The following CIB1 variants were observed in gnomAD, a reference collection of about 807,000 sequenced individuals.
The protein encoded by CIB1 is calcium and integrin binding 1, also known as calcium and integrin-binding protein 1.
A neutral mutation model predicts 25.0 loss-of-function variants in CIB1; 19 were observed. The ratio of observed to expected loss-of-function variants is 0.76; its 90% CI spans 0.53 to 1.12. CIB1 has a LOEUF of 1.12. Ranked by LOEUF, CIB1 falls within the 50% of genes most tolerant of loss-of-function variation. The probability of loss-of-function intolerance (pLI) is 0.00; values close to 1 mark genes in which losing one functional copy is unlikely to be tolerated. For synonymous variants in CIB1, 104 were observed against 98.5 expected (o/e 1.06, Z -0.33); for missense variants, 236 against 242.6 (o/e 0.97, Z 0.18).
Position 90,230,424 on chromosome 15 carries a change from C to T in CIB1, c.*60G>A. 6.5e-7 allele frequency: 1 copy of T among 1,544,198 alleles called. No homozygotes were observed. The highest frequency in any genetic ancestry group is 1.2e-5 in the South Asian group (1 of 83,852). On this transcript the variant is annotated 3_prime_UTR_variant, in exon 7 of 7. Coordinates refer to ENST00000328649, the MANE Select transcript of CIB1 (RefSeq NM_006384.4). Reference sequence around the variant, plus strand: ...CTGGCAACACAGGCTTGACCTTGGCCACAGCTCAGCAGTAGAAAGGTTCTT... The same window carrying T: ...CTGGCAACACAGGCTTGACCTTGGCTACAGCTCAGCAGTAGAAAGGTTCTT...
chr15:90,247,038 C>T, the CIB1 span, among the ~76,000 whole-genome samples: 4 of 150,958 alleles, frequency 2.6e-5, no homozygotes, highest in Middle Eastern at 3.2e-3. Flanking sequence ...TGCAGTGGCA[C>T]GATCTTGGCT....
the CIB1 span, chr15:90,250,619 G>C: frequency 1.2e-6 from 2 of 1,610,856 alleles, no homozygotes; most frequent in South Asian, 2.2e-5. Context: ...CAACCCCTCA[G>C]AATCTGAGAG....
At chr15:90,253,226 T>A in the CIB1 span, 4 of 1,601,822 alleles carry the variant, frequency 2.5e-6, no homozygotes, top group South Asian at 1.1e-5. Context: ...ATGCTGGCAC[T>A]ACTGATCTCC....
the CIB1 span, chr15:90,264,897 C>G: frequency 1.3e-6 from 2 of 1,536,102 alleles, no homozygotes; most frequent in Admixed American, 3.9e-5. Context: ...GCCAAGGTTC[C>G]CCTCTGCCCT....
the CIB1 span, chr15:90,257,382 G>A: frequency 1.4e-6 from 2 of 1,477,272 alleles, no homozygotes; most frequent in South Asian, 2.7e-5. Context: ...CAAAGAACAA[G>A]GAATGAAGCC....
chr15:90,236,730 G>A (rs914848263), upstream of CIB1, among the ~76,000 whole-genome samples: 2 of 151,692 alleles, frequency 1.3e-5, no homozygotes, highest in African/African-American at 4.8e-5. Context: ...TAGAGACGGG[G>A]TTTCACCATG....
the CIB1 span, chr15:90,257,682 A>G: frequency 8.7e-6 from 14 of 1,614,048 alleles, no homozygotes; most frequent in Non-Finnish European, 1.0e-5. Context: ...CAACAAACAC[A>G]ATGAGAATTT....
the CIB1 span, chr15:90,261,956 T>C: frequency 7.0e-7 from 1 of 1,432,874 alleles, no homozygotes; most frequent in Non-Finnish European, 9.3e-7. Context: ...CTTTCCCTAC[T>C]GAACATTCCC....
At chr15:90,265,685 C>G in the CIB1 span, 13 of 1,612,396 alleles carry the variant, frequency 8.1e-6, no homozygotes, top group Non-Finnish European at 1.0e-5. Flanking sequence ...GTTTCGTAGC[C>G]GACTGCTGAA....
the CIB1 span, chr15:90,241,601 G>A: frequency 6.2e-7 from 1 of 1,613,788 alleles, no homozygotes; most frequent in South Asian, 1.1e-5. Context: ...TGCCCGTGGA[G>A]CAGGCGCCAA....
the CIB1 span, chr15:90,261,972 C>T: frequency 6.7e-7 from 1 of 1,498,672 alleles, no homozygotes; most frequent in Non-Finnish European, 8.9e-7. Flanking sequence ...TTCCCACAGC[C>T]CTACTCTTGA....
At chr15:90,256,561 C>CTTTCTT in the CIB1 span, among the ~76,000 whole-genome samples, 1 of 40,248 alleles carries the variant, frequency 2.5e-5, no homozygotes, top group Admixed American at 2.9e-4. Flanking sequence ...TTCTTTCTTT[C>CTTTCTT]TTTCTTTCTT....
chr15:90,239,586 C>A, the CIB1 span, among the ~76,000 whole-genome samples: 37 of 152,272 alleles, frequency 2.4e-4, no homozygotes, highest in African/African-American at 8.7e-4. Context: ...ATCACGAGAA[C>A]AGCATGGAGG....
At chr15:90,255,871 G>T in the CIB1 span, 12 of 1,614,196 alleles carry the variant, frequency 7.4e-6, no homozygotes, top group Non-Finnish European at 9.3e-6. Flanking sequence ...CCCGCACCTG[G>T]TGCCTCCCCG....
chr15:90,250,638 C>G, the CIB1 span: 7 of 1,613,070 alleles, frequency 4.3e-6, no homozygotes, highest in South Asian at 7.7e-5. Context: ...AGAATGGAGC[C>G]GAGTACCTGT....
At chr15:90,248,736 A>T in the CIB1 span, among the ~76,000 whole-genome samples, 1 of 140,744 alleles carries the variant, frequency 7.1e-6, no homozygotes, top group Admixed American at 6.9e-5. Context: ...AAAAAAAAAA[A>T]AAAAAAAAAA....
At chr15:90,243,712 G>A in the CIB1 span, 3 of 134,230 alleles carry the variant, frequency 2.2e-5, no homozygotes, top group Non-Finnish European at 3.1e-5. Flanking sequence ...GCAGTGGTAT[G>A]AAGACAGCTA....
intron 2 of CIB1, chr15:90,232,535 G>A: frequency 1.6e-6 from 1 of 635,458 alleles, no homozygotes; most frequent in Non-Finnish European, 2.4e-6. Context: ...AGTATTTACT[G>A]AGCATTTACT....
At chr15:90,261,984 T>C in the CIB1 span, 7 of 1,519,086 alleles carry the variant, frequency 4.6e-6, no homozygotes, top group African/African-American at 8.2e-5. Flanking sequence ...TACTCTTGAC[T>C]CACTGAGCTT....
Sources: gnomAD v4.1 joint callset for allele counts (sites outside exome capture counted in the v4.1 genomes callset) on GRCh38, gnomAD v4.1.1 for gene constraint, MANE v1.5 for transcripts, NCBI Gene and HGNC (gene_info 2026-07-23, HGNC 2026-07-21) for gene names.